SGCD: variants seen among roughly 807,000 people sequenced by gnomAD.
SGCD encodes the protein delta-sarcoglycan.
SGCD carries 18 observed loss-of-function variants against 36.6 expected under a neutral mutation model. That is an observed-to-expected ratio of 0.49 (90% CI 0.34 to 0.73). The LOEUF (loss-of-function observed/expected upper bound fraction) is 0.73, where lower values mean the gene tolerates loss of function less well. SGCD is among the 30% of genes least tolerant of loss of function. The pLI, the probability that SGCD is intolerant of heterozygous loss-of-function variation, is 0.01. For synonymous variants in SGCD, 133 were observed against 130.6 expected (o/e 1.02, Z -0.12); for missense variants, 387 against 346.7 (o/e 1.12, Z -0.92).
chr5:156,295,324 AT>A (rs1766866597), intron 3 of SGCD, among the ~76,000 whole-genome samples: 1 of 151,800 alleles, frequency 6.6e-6, no homozygotes, highest in African/African-American at 2.4e-5. Context: ...TTTTATTTTT[AT>A]TTTAGAAATT....
At chr5:156,676,670 G>A (rs1753527583) in intron 7 of SGCD, among the ~76,000 whole-genome samples, 1 of 152,050 alleles carries the variant, frequency 6.6e-6, no homozygotes, top group Non-Finnish European at 1.5e-5. Context: ...GAAGGAAAAG[G>A]GACAGCAGCC....
At chr5:155,980,837 TA>T (rs1758213542) in intron 1 of SGCD, among the ~76,000 whole-genome samples, 2 of 152,146 alleles carry the variant, frequency 1.3e-5, no homozygotes, top group African/African-American at 4.8e-5. Flanking sequence ...CGGAAGGTAT[TA>T]GTCCTACATG....
intron 3 of SGCD, among the ~76,000 whole-genome samples, chr5:156,265,867 C>T (rs1765987637): frequency 6.6e-6 from 1 of 152,174 alleles, no homozygotes; most frequent in East Asian, 1.9e-4. Context: ...AGGGTAATTG[C>T]TTGCGATTTT....
At chr5:156,606,155 C>G (rs546281706) in intron 6 of SGCD, among the ~76,000 whole-genome samples, 1 of 152,306 alleles carries the variant, frequency 6.6e-6, no homozygotes, top group South Asian at 2.1e-4. Context: ...CCTAGGTTTT[C>G]TTCTAGGGTT....
At position 156,692,906 on chromosome 5, in the gene SGCD, C is replaced by T. The variant is rs115678783; in HGVS notation, c.575+45370C>T. Among the ~76,000 whole-genome samples, 333 of 152,276 alleles carry T rather than the reference C, an allele frequency of 2.2e-3. 2 individuals are homozygous for T. Among genetic ancestry groups the T allele is most frequent in the African/African-American group, 7.6e-3 (317 of 41,550 alleles). ...TGTACTTGGAAGTATGCAAAATCCT[C>T]AGGCTCAGCTTGCAATTATTATGCA... is the stretch of plus-strand genomic sequence containing the variant. On this transcript the variant is annotated intron_variant, in intron 7 of 8. Transcript: ENST00000337851.
intron 6 of SGCD, among the ~76,000 whole-genome samples, chr5:156,642,429 T>A (rs1763062019): frequency 6.6e-6 from 1 of 150,608 alleles, no homozygotes; most frequent in Non-Finnish European, 1.5e-5. Context: ...ATGATATTCA[T>A]CTTTTGCTAA....
At chr5:156,085,783 G>A (rs1213929906) in intron 1 of SGCD, among the ~76,000 whole-genome samples, 3 of 152,176 alleles carry the variant, frequency 2.0e-5, no homozygotes, top group Non-Finnish European at 4.4e-5. Flanking sequence ...TTGCAGGGAA[G>A]GTGATTGCCA....
chr5:156,484,837 C>T (rs181072030), intron 3 of SGCD, among the ~76,000 whole-genome samples: 1 of 152,292 alleles, frequency 6.6e-6, no homozygotes, highest in East Asian at 1.9e-4. Context: ...TTCCTTCTAC[C>T]TGAGCCTGGT....
chr5:155,870,873 G>A (rs1017378747), intron 1 of SGCD, among the ~76,000 whole-genome samples: 12 of 152,110 alleles, frequency 7.9e-5, no homozygotes, highest in Non-Finnish European at 1.8e-4. Context: ...ACACGCGATC[G>A]TTATTTCAGC....
chr5:156,264,202 A>C (rs962824910), intron 3 of SGCD, among the ~76,000 whole-genome samples: 5 of 152,150 alleles, frequency 3.3e-5, no homozygotes, highest in Non-Finnish European at 7.4e-5. Flanking sequence ...TTTTCCAGAA[A>C]TAAAGTCAGG....
intron 3 of SGCD, among the ~76,000 whole-genome samples, chr5:156,290,888 G>A (rs1766741042): frequency 6.6e-6 from 1 of 152,196 alleles, no homozygotes; most frequent in East Asian, 1.9e-4. Context: ...TGCCTGTAAA[G>A]GGTCAAATAG....
chr5:155,886,556 A>G (rs1179204168), intron 1 of SGCD, among the ~76,000 whole-genome samples: 1 of 152,124 alleles, frequency 6.6e-6, no homozygotes, highest in Admixed American at 6.5e-5. Context: ...ATGCATGTGC[A>G]GCCTCAGAAA....
chr5:156,679,566 T>C (rs1330605990), intron 7 of SGCD, among the ~76,000 whole-genome samples: 1 of 152,156 alleles, frequency 6.6e-6, no homozygotes, highest in Non-Finnish European at 1.5e-5. Context: ...TCATAACACA[T>C]TGGGCAGGAT....
intron 3 of SGCD, among the ~76,000 whole-genome samples, chr5:156,436,730 C>T (rs1753262849): frequency 6.6e-6 from 1 of 152,142 alleles, no homozygotes; most frequent in Non-Finnish European, 1.5e-5. Context: ...CAAAGGTATT[C>T]TTGCTCTGGT....
At chr5:155,908,824 G>A (rs1756575847) in intron 1 of SGCD, among the ~76,000 whole-genome samples, 1 of 152,244 alleles carries the variant, frequency 6.6e-6, no homozygotes, top group South Asian at 2.1e-4. Flanking sequence ...GAGCATGTCT[G>A]TCTGTTTTGT....
chr5:156,132,458 C>CTT lies in SGCD; in HGVS notation c.-44+8466_-44+8467dup, dbSNP rs573278623. On this transcript the variant is annotated intron_variant, in intron 3 of 9. Transcript: ENST00000517913. ...CGGAACTGTGGCTAACTTACCAAGTCTTTTTTTTTTTTTTTTTTTTTTTTT... is the reference window on the plus strand; with the variant it reads ...CGGAACTGTGGCTAACTTACCAAGTCTTTTTTTTTTTTTTTTTTTTTTTTTTT... Among the ~76,000 whole-genome samples, 263 of 51,786 alleles carry CTT rather than the reference C, an allele frequency of 5.1e-3. 77 individuals are homozygous for CTT. The highest frequency in any genetic ancestry group is 0.012 in the African/African-American group (128 of 10,382). The allele number at this position is 51,786 out of a possible 152,430, so 34.0% of individuals were successfully genotyped here. A position where few individuals can be genotyped will look rare whatever the true frequency, so the allele number is the denominator to read the frequency against.
At chr5:156,443,542 A>G (rs1753598222) in intron 3 of SGCD, among the ~76,000 whole-genome samples, 1 of 152,170 alleles carries the variant, frequency 6.6e-6, no homozygotes, top group Non-Finnish European at 1.5e-5. Context: ...ATGATCATCT[A>G]TTGAAGTTTG....
At chr5:155,982,158 G>T (rs77862531) in intron 1 of SGCD, among the ~76,000 whole-genome samples, 1 of 152,094 alleles carries the variant, frequency 6.6e-6, no homozygotes, top group Non-Finnish European at 1.5e-5. Flanking sequence ...CCTTGAAGGC[G>T]CTATGAGAGA....
At chr5:156,647,433 ATC>A in intron 6 of SGCD, 29 bp from the exon 7 acceptor site, 3 of 1,518,322 alleles carry the variant, frequency 2.0e-6, no homozygotes, top group Non-Finnish European at 2.7e-6. Context: ...AGTATCTCCA[ATC>A]TCTGTTTGCT....
Sources: allele counts gnomAD v4.1 joint callset (sites outside exome capture counted in the v4.1 genomes callset), GRCh38; gene constraint gnomAD v4.1.1; transcripts MANE v1.5; gene names NCBI Gene and HGNC (gene_info 2026-07-23, HGNC 2026-07-21).